GALNT10: variants seen among roughly 807,000 people sequenced by gnomAD.
GALNT10 encodes polypeptide N-acetylgalactosaminyltransferase 10, also known as GalNAc transferase 10.
GALNT10 carries 41 observed loss-of-function variants against 75.0 expected under a neutral mutation model. The observed-to-expected ratio is 0.55, with a 90% CI of 0.43 to 0.71. GALNT10 has a LOEUF of 0.71. GALNT10 is among the 30% of genes least tolerant of loss of function. The pLI, the probability that GALNT10 is intolerant of heterozygous loss-of-function variation, is 0.00. For synonymous variants in GALNT10, 302 were observed against 313.0 expected, an observed-to-expected ratio of 0.96 and a Z score of 0.37; for missense variants, 727 against 818.5, an observed-to-expected ratio of 0.89 and a Z score of 1.36.
At chr5:154,309,657 C>G (rs1422722276) in intron 3 of GALNT10, among the ~76,000 whole-genome samples, 3 of 152,058 alleles carry the variant, frequency 2.0e-5, no homozygotes, top group African/African-American at 7.2e-5. Context: ...AGAGAGAAGC[C>G]AAGGATAATG....
At chr5:154,214,119 G>A (rs922448716) in intron 1 of GALNT10, among the ~76,000 whole-genome samples, 5 of 151,876 alleles carry the variant, frequency 3.3e-5, no homozygotes, top group African/African-American at 4.8e-5. Flanking sequence ...TTTTTGATGG[G>A]AATCACTCCT....
chr5:154,295,291 C>T (rs1754256761), intron 2 of GALNT10, among the ~76,000 whole-genome samples: 1 of 152,150 alleles, frequency 6.6e-6, no homozygotes, highest in Non-Finnish European at 1.5e-5. Context: ...TAATAAGAGC[C>T]AGCATTTATT....
At chr5:154,356,575 A>G (rs956960561) in intron 4 of GALNT10, among the ~76,000 whole-genome samples, 1 of 152,184 alleles carries the variant, frequency 6.6e-6, no homozygotes. Flanking sequence ...CCTTTTTTCA[A>G]TAGTAAAAAC....
rs1218309405 is a variant in GALNT10, at chr5:154,409,965, A to G, written c.1386+203A>G. Among the ~76,000 whole-genome samples, 1 of 152,218 alleles carries G rather than the reference A, an allele frequency of 6.6e-6. No homozygotes were observed. The highest frequency in any genetic ancestry group is 2.4e-5 in the African/African-American group (1 of 41,456). ...TAGTGTTCTCAGTGTAGAAAAATTAAAACTTTAAGTTATTAGCATGAATTT... is the reference window on the plus strand; with the variant it reads ...TAGTGTTCTCAGTGTAGAAAAATTAGAACTTTAAGTTATTAGCATGAATTT... On this transcript the variant is annotated intron_variant, in intron 9 of 11. Transcript: ENST00000297107. This position sits in a 1 kb window ranked among gnomAD's most constrained non-coding sequence, Gnocchi z 4.5.
intron 4 of GALNT10, among the ~76,000 whole-genome samples, chr5:154,345,637 T>TC (rs1239507161): frequency 2.0e-5 from 3 of 148,416 alleles, no homozygotes; most frequent in African/African-American, 7.5e-5. Flanking sequence ...CCTTTTTTTT[T>TC]TTTTTTTTTT....
At chr5:154,331,978 C>T (rs1754873924) in intron 4 of GALNT10, among the ~76,000 whole-genome samples, 1 of 152,090 alleles carries the variant, frequency 6.6e-6, no homozygotes, top group Non-Finnish European at 1.5e-5. Context: ...AGTAATTCGC[C>T]CAGAATCACA....
intron 1 of GALNT10, among the ~76,000 whole-genome samples, chr5:154,194,308 T>C (rs144376316): frequency 6.6e-6 from 1 of 152,338 alleles, no homozygotes; most frequent in East Asian, 1.9e-4. Flanking sequence ...TTTTTTTCTC[T>C]TTTTTCAGTC....
intron 1 of GALNT10, among the ~76,000 whole-genome samples, chr5:154,210,871 T>G (rs1235480547): frequency 6.6e-6 from 1 of 152,164 alleles, no homozygotes; most frequent in Non-Finnish European, 1.5e-5. Context: ...TCTTAGAAAA[T>G]GCACACTGAA....
rs1177436346 is a variant in GALNT10 at position 154,418,876 on chromosome 5, AGAT to A, written c.*1907_*1909del. On this transcript the variant is annotated 3_prime_UTR_variant, in exon 12 of 12. Transcript: ENST00000297107. Reference sequence around the variant, plus strand: ...TGGCCCTCTATAGAAAGAAGTCAAAAGATGAGGCCCCTTCTAGAATCTAGGATA... The same window carrying A: ...TGGCCCTCTATAGAAAGAAGTCAAAAGAGGCCCCTTCTAGAATCTAGGATA... 1.3e-5 allele frequency: 2 copies of A among 152,594 alleles called. No individual in the cohort carries two copies. The highest frequency in any genetic ancestry group is 2.4e-5 in the African/African-American group (1 of 41,458). The allele number at this position is 152,594 out of a possible 1,614,324, so 9.5% of individuals were successfully genotyped here.
intron 3 of GALNT10, among the ~76,000 whole-genome samples, chr5:154,302,839 A>G (rs1026519866): frequency 5.9e-5 from 9 of 152,218 alleles, no homozygotes; most frequent in African/African-American, 2.2e-4. Context: ...TCATATTACT[A>G]TAATAGTCCC....
At chr5:154,217,526 C>T (rs534365141) in intron 1 of GALNT10, among the ~76,000 whole-genome samples, 8 of 152,150 alleles carry the variant, frequency 5.3e-5, no homozygotes, top group African/African-American at 1.4e-4. Flanking sequence ...TTTAGTACCG[C>T]GTCCCTGTCT....
In GALNT10 at chr5:154,416,961, A is replaced by C; in HGVS notation, c.1801A>C (p.Asn601His). 1 of 1,614,120 alleles carries C rather than the reference A, an allele frequency of 6.2e-7. No homozygotes were observed. Among genetic ancestry groups the C allele is most frequent in the Non-Finnish European group, 8.5e-7 (1 of 1,179,982 alleles). The part of the protein sequence containing the change: ...HTNSTVLEKF[N>H]RN ...CAACTCAACAGTCTTGGAAAAATTC[A>C]ATAGGAACTGAGCCCTCATGTCCCC... Residue 601 changes from asparagine (N) to histidine (H), a missense_variant, in exon 12 of 12, where the codon AAT becomes CAT. Coordinates refer to ENST00000297107, the MANE Select transcript of GALNT10 (RefSeq NM_198321.4). The surrounding 1 kb of genome is among the most constrained non-coding windows in gnomAD (Gnocchi z 4.5).
Position 154,416,009 on chromosome 5 carries a change from C to A in GALNT10, c.1653+77C>A. 1.5e-6 allele frequency: 2 copies of A among 1,302,590 alleles called. No homozygotes were observed. The highest frequency in any genetic ancestry group is 1.1e-6 in the Non-Finnish European group (1 of 926,034). The allele number at this position is 1,302,590 out of a possible 1,614,324, so 80.7% of individuals were successfully genotyped here. Reference sequence around the variant, plus strand: ...CAATACAGTGCTTCACCCCTTCTTTCAACAGAGCCCATCCACTTATTCATT... The same window carrying A: ...CAATACAGTGCTTCACCCCTTCTTTAAACAGAGCCCATCCACTTATTCATT... On this transcript the variant is annotated intron_variant, in intron 11 of 11. Transcript: ENST00000297107. The surrounding 1 kb of genome is among the most constrained non-coding windows in gnomAD (Gnocchi z 4.5).
At chr5:154,270,094 A>G (rs1753838753) in intron 1 of GALNT10, among the ~76,000 whole-genome samples, 1 of 151,924 alleles carries the variant, frequency 6.6e-6, no homozygotes. Flanking sequence ...AACTTTTAGA[A>G]CATATTTGAC....
chr5:154,411,388 T>C (rs961557250), intron 9 of GALNT10, among the ~76,000 whole-genome samples: 6 of 152,208 alleles, frequency 3.9e-5, no homozygotes, highest in African/African-American at 1.4e-4. Context: ...TTTCCCAGTA[T>C]ACCAGTAAAG....
At chr5:154,266,193 C>A (rs1448494072) in intron 1 of GALNT10, among the ~76,000 whole-genome samples, 1 of 152,050 alleles carries the variant, frequency 6.6e-6, no homozygotes, top group East Asian at 1.9e-4. Flanking sequence ...ATAATACATT[C>A]TTTGAAAATA....
rs796186947 is a variant in GALNT10, at chr5:154,257,667, GT to G, written c.160-37145del. Reference sequence around the variant, plus strand: ...CAGCTTGGCAACAGAGTGAGACTCCGTTTTAAAAAAAAAAAAAAAGAGAAAA... The same window carrying G: ...CAGCTTGGCAACAGAGTGAGACTCCGTTTAAAAAAAAAAAAAAAGAGAAAA... On this transcript the variant is annotated intron_variant, in intron 1 of 11. Transcript: ENST00000297107. Among the ~76,000 whole-genome samples, 14 of 18,284 alleles carry G rather than the reference GT, an allele frequency of 7.7e-4. No homozygotes were observed. In the East Asian group the frequency reaches 0.015, roughly 19 times the overall value. The allele number at this position is 18,284 out of a possible 152,430, so 12.0% of individuals were successfully genotyped here.
At chr5:154,295,437 A>C (rs971504455) in intron 2 of GALNT10, among the ~76,000 whole-genome samples, 4 of 118,928 alleles carry the variant, frequency 3.4e-5, no homozygotes, top group Non-Finnish European at 7.3e-5. Flanking sequence ...CCACTGTTGC[A>C]CAGAAAGAGA....
chr5:154,418,760 A>G lies in GALNT10; in HGVS notation c.*1788A>G, dbSNP rs1756570825. On this transcript the variant is annotated 3_prime_UTR_variant, in exon 12 of 12. Transcript: ENST00000297107. ...GCCCAGCACAAGCCCTGCTTTGGCC[A>G]CCTGTCTGCAAGAGAGGCGGCCCCT... 6.6e-6 allele frequency: 1 copy of G among 152,202 alleles called. No individual in the cohort carries two copies. The highest frequency in any genetic ancestry group is 6.5e-5 in the Admixed American group (1 of 15,278). 9.4% of individuals were successfully genotyped at this position (152,202 alleles called of 1,614,324 possible). A position where few individuals can be genotyped will look rare whatever the true frequency, so the allele number is the denominator to read the frequency against.
Sources: gnomAD v4.1 joint callset for allele counts (sites outside exome capture counted in the v4.1 genomes callset) on GRCh38, gnomAD v4.1.1 for gene constraint, Gnocchi (gnomAD v3.1) non-coding constraint, MANE v1.5 for transcripts, NCBI Gene and HGNC (gene_info 2026-07-23, HGNC 2026-07-21) for gene names.